The following XPO7 variants were observed in gnomAD, a reference collection of about 807,000 sequenced individuals.
The protein encoded by XPO7 is exportin 7.
A neutral mutation model predicts 144.3 loss-of-function variants in XPO7; 21 were observed. The observed-to-expected ratio is 0.15, with a 90% CI of 0.10 to 0.21. The LOEUF (loss-of-function observed/expected upper bound fraction) is 0.21. XPO7 is among the 10% of genes least tolerant of loss of function. XPO7 has a pLI of 1.00. For synonymous variants in XPO7, 580 were observed against 499.6 expected, an observed-to-expected ratio of 1.16 and a Z score of -2.15; for missense variants, 808 against 1,325.8, an observed-to-expected ratio of 0.61 and a Z score of 6.06.
In XPO7 at chr8:21,981,757, T is replaced by C; in HGVS notation, c.984T>C (p.His328=). ...GTTTATCAGACCCAAACAATTACCATGAGTTTTGCAGACTACTGGCCCGAT... is the reference window on the plus strand; with the variant it reads ...GTTTATCAGACCCAAACAATTACCACGAGTTTTGCAGACTACTGGCCCGAT... ...PQSLSDPNNY[H]EFCRLLARLK... The change falls in exon 10 of 28, where the codon CAT becomes CAC. Residue 328 remains histidine (H), a synonymous_variant. Coordinates refer to ENST00000252512, the MANE Select transcript of XPO7 (RefSeq NM_015024.5). 1 of 1,613,940 alleles carries C rather than the reference T, an allele frequency of 6.2e-7. No homozygotes were observed. Among genetic ancestry groups the C allele is most frequent in the Non-Finnish European group, 8.5e-7 (1 of 1,179,862 alleles).
intron 1 of XPO7, among the ~76,000 whole-genome samples, chr8:21,932,251 C>T (rs939496693): frequency 6.6e-6 from 1 of 152,148 alleles, no homozygotes. Flanking sequence ...ATAGATCATA[C>T]AGCAGTATAA....
chr8:21,930,777 T>C (rs945929323), intron 1 of XPO7, among the ~76,000 whole-genome samples: 2 of 152,228 alleles, frequency 1.3e-5, no homozygotes, highest in Admixed American at 6.5e-5. Context: ...TGATTATCTG[T>C]TATCAAGTTG....
intron 1 of XPO7, among the ~76,000 whole-genome samples, chr8:21,933,840 T>TA (rs1013536021): frequency 2.0e-5 from 3 of 152,296 alleles, no homozygotes; most frequent in African/African-American, 7.2e-5. Context: ...GAAAAAATCT[T>TA]AGAGTGTGAT....
At position 22,005,854 on chromosome 8, in the gene XPO7, C is replaced by G. The variant is rs751531912; in HGVS notation, c.*766C>G. Reference sequence around the variant, plus strand: ...CTAAAAGTGTTTGGTGTTCTTATCTCCACCCTCTTTCCTACTTTGCTTACC... The same window carrying G: ...CTAAAAGTGTTTGGTGTTCTTATCTGCACCCTCTTTCCTACTTTGCTTACC... On this transcript the variant is annotated 3_prime_UTR_variant, in exon 28 of 28. Coordinates refer to ENST00000252512, the MANE Select transcript of XPO7 (RefSeq NM_015024.5). 6.6e-6 allele frequency: 1 copy of G among 152,196 alleles called. No homozygotes were observed. Among genetic ancestry groups the G allele is most frequent in the Non-Finnish European group, 1.5e-5 (1 of 68,076 alleles). The allele number at this position is 152,196 out of a possible 1,614,324, so 9.4% of individuals were successfully genotyped here.
chr8:21,998,751 T>C lies in XPO7; in HGVS notation c.2346-4T>C. 6.2e-7 allele frequency: 1 copy of C among 1,613,904 alleles called. No homozygotes were observed. Among genetic ancestry groups the C allele is most frequent in the African/African-American group, 1.3e-5 (1 of 75,048 alleles). ...CTTTTTCTCCTCCTGTGCTCTCTGCTCAGGTCCCAGCGACTCCAGTTTGAT... is the reference window on the plus strand; with the variant it reads ...CTTTTTCTCCTCCTGTGCTCTCTGCCCAGGTCCCAGCGACTCCAGTTTGAT... On this transcript the variant is annotated splice_polypyrimidine_tract_variant and splice_region_variant and intron_variant, in intron 21 of 27. Coordinates refer to ENST00000252512, the MANE Select transcript of XPO7 (RefSeq NM_015024.5).
chr8:21,979,070 TTTTG>T (rs983548244), intron 8 of XPO7, among the ~76,000 whole-genome samples: 5 of 152,298 alleles, frequency 3.3e-5, no homozygotes, highest in African/African-American at 7.2e-5. Flanking sequence ...GGTTGTGTTT[TTTTG>T]TTTGTTTGTT....
intron 1 of XPO7, among the ~76,000 whole-genome samples, chr8:21,940,430 A>C (rs1810952478): frequency 6.6e-6 from 1 of 151,940 alleles, no homozygotes; most frequent in Non-Finnish European, 1.5e-5. Context: ...TATGGGTAGT[A>C]AGCAACAGTG....
intron 1 of XPO7, among the ~76,000 whole-genome samples, chr8:21,943,921 G>A (rs1319775842): frequency 2.0e-5 from 3 of 152,146 alleles, no homozygotes; most frequent in African/African-American, 7.2e-5. Context: ...GCTTCATGAA[G>A]GATTTAAGAC....
intron 12 of XPO7, 145 bp from the exon 13 acceptor site, chr8:21,985,440 CA>C: frequency 1.3e-6 from 1 of 741,630 alleles, no homozygotes; most frequent in Non-Finnish European, 2.3e-6. Flanking sequence ...TTGCCCTTAC[CA>C]AAGCAGAGAA....
At chr8:21,993,979 C>T (rs1812856299) in intron 19 of XPO7, among the ~76,000 whole-genome samples, 2 of 149,576 alleles carry the variant, frequency 1.3e-5, no homozygotes, top group Admixed American at 1.3e-4. Flanking sequence ...CCCCCTCCCT[C>T]CCCTCCTTTC....
At chr8:21,987,381 G>A (rs984494299) in intron 14 of XPO7, 105 bp downstream of exon 14, 18 of 1,463,770 alleles carry the variant, frequency 1.2e-5, no homozygotes, top group African/African-American at 8.4e-5. Context: ...CAGATTTCAC[G>A]TAATAGGACA....
At chr8:21,950,092 G>C (rs558772897) in intron 1 of XPO7, among the ~76,000 whole-genome samples, 1 of 152,328 alleles carries the variant, frequency 6.6e-6, no homozygotes, top group South Asian at 2.1e-4. Flanking sequence ...GTATTGTTCA[G>C]TTCTGAACTT....
intron 11 of XPO7, among the ~76,000 whole-genome samples, chr8:21,983,586 T>G (rs550378384): frequency 3.5e-4 from 53 of 152,324 alleles, no homozygotes; most frequent in African/African-American, 1.1e-3. Flanking sequence ...CCAGCAAGCC[T>G]TCTTCTGTCA....
At chr8:21,932,733 G>C (rs974657658) in intron 1 of XPO7, among the ~76,000 whole-genome samples, 2 of 152,002 alleles carry the variant, frequency 1.3e-5, no homozygotes, top group African/African-American at 4.8e-5. Flanking sequence ...ATGACAATTG[G>C]ACCACAGGTC....
At chr8:21,940,707 G>A (rs1214398286) in intron 1 of XPO7, among the ~76,000 whole-genome samples, 1 of 152,112 alleles carries the variant, frequency 6.6e-6, no homozygotes, top group South Asian at 2.1e-4. Context: ...GACCTCAGGT[G>A]ATCCACCTGC....
chr8:21,927,381 T>C (rs1483049269), intron 1 of XPO7, among the ~76,000 whole-genome samples: 2 of 152,120 alleles, frequency 1.3e-5, no homozygotes, highest in Admixed American at 1.3e-4. Flanking sequence ...GAGCAGAATG[T>C]TGTGAGCAAG....
intron 13 of XPO7, 142 bp downstream of exon 13, chr8:21,985,833 A>C: frequency 3.0e-6 from 2 of 667,236 alleles, no homozygotes; most frequent in Non-Finnish European, 5.2e-6. Context: ...TGTAAGTGCC[A>C]TGATAACTCT....
intron 1 of XPO7, among the ~76,000 whole-genome samples, chr8:21,952,746 G>A (rs1563319061): frequency 2.0e-5 from 3 of 152,208 alleles, no homozygotes. Flanking sequence ...TGTGTTTTCA[G>A]CTAGAGAATT....
chr8:21,928,951 T>C (rs1308325735), intron 1 of XPO7, among the ~76,000 whole-genome samples: 2 of 152,240 alleles, frequency 1.3e-5, no homozygotes, highest in Non-Finnish European at 1.5e-5. Flanking sequence ...TCTGGCCCTT[T>C]AGAGAAAACA....
Sources: gnomAD v4.1 joint callset for allele counts (sites outside exome capture counted in the v4.1 genomes callset) on GRCh38, gnomAD v4.1.1 for gene constraint, MANE v1.5 for transcripts, NCBI Gene and HGNC (gene_info 2026-07-23, HGNC 2026-07-21) for gene names.